The following CFAP20DC variants were observed in gnomAD, a reference collection of about 807,000 sequenced individuals.
CFAP20DC encodes the protein protein CFAP20DC.
In CFAP20DC, 84 loss-of-function variants were observed where a neutral mutation model predicts 101.7. The ratio of observed to expected loss-of-function variants is 0.83; its 90% CI spans 0.69 to 0.99. The LOEUF is 0.99. Ranked by LOEUF, CFAP20DC falls within the 50% of genes least tolerant of loss-of-function variation. The pLI, the probability that CFAP20DC is intolerant of heterozygous loss-of-function variation, is 0.00. For missense variants in CFAP20DC, 1,007 were observed against 970.3 expected, an observed-to-expected ratio of 1.04 and a Z score of -0.50; for synonymous variants, 359 against 351.2, an observed-to-expected ratio of 1.02 and a Z score of -0.25.
At position 58,724,390 on chromosome 3, in the gene CFAP20DC, C is replaced by T. The variant is rs1300989096; in HGVS notation, c.198-6762G>A. ...CTGAGGAGGAAAGCCTCCTAATAGCCCTCATGTTCCCATGCTTAGAGCGAG... is the reference window on the plus strand; with the variant it reads ...CTGAGGAGGAAAGCCTCCTAATAGCTCTCATGTTCCCATGCTTAGAGCGAG... On this transcript the variant is annotated intron_variant, in intron 3 of 3. Coordinates refer to the CFAP20DC transcript ENST00000486145. The surrounding 1 kb of genome is among the most constrained non-coding windows in gnomAD (Gnocchi z 5.6). Among the ~76,000 whole-genome samples the T allele has an allele frequency of 6.6e-6, 1 of 152,114 alleles. No homozygotes were observed.
chr3:58,870,832 G>A (rs988904085), intron 7 of CFAP20DC, among the ~76,000 whole-genome samples: 2 of 132,538 alleles, frequency 1.5e-5, no homozygotes, highest in Non-Finnish European at 3.1e-5. Context: ...AGCTTGCAGT[G>A]AGCCGAGATT....
chr3:58,740,114 T>A (rs769193962), downstream of CFAP20DC, among the ~76,000 whole-genome samples: 40 of 152,180 alleles, frequency 2.6e-4, no homozygotes, highest in Non-Finnish European at 4.9e-4. This position sits in a 1 kb window ranked among gnomAD's most constrained non-coding sequence, Gnocchi z 4.6. Flanking sequence ...ACTGGAGTGG[T>A]TGGGTGCTCT....
chr3:58,934,979 A>G (rs1415706393), intron 5 of CFAP20DC, among the ~76,000 whole-genome samples: 1 of 152,220 alleles, frequency 6.6e-6, no homozygotes, highest in Non-Finnish European at 1.5e-5. Context: ...GAGGAAGTCA[A>G]ATTGTCCCTG....
At chr3:58,792,389 G>A (rs530095081) in intron 15 of CFAP20DC, among the ~76,000 whole-genome samples, 4 of 152,208 alleles carry the variant, frequency 2.6e-5, no homozygotes, top group African/African-American at 9.6e-5. Flanking sequence ...ATTGGGAGAA[G>A]AGAATACTAA....
Position 58,936,301 on chromosome 3 carries a change from T to C in CFAP20DC, c.393+1347A>G, listed in dbSNP as rs895841822. Among the ~76,000 whole-genome samples, 33 of 152,206 alleles carry C rather than the reference T, an allele frequency of 2.2e-4. 1 individual carries two copies. The South Asian group carries it at 5.0e-3, about 23-fold the overall frequency. On this transcript the variant is annotated intron_variant, in intron 5 of 16. Coordinates refer to ENST00000482387, the MANE Select transcript of CFAP20DC (RefSeq NM_001394063.1). ...AGGTGCTGGAGAGGATGTGGAGAAA[T>C]AGGAACAATTTTACACTGTTGCTGG...
At position 58,818,230 on chromosome 3, in the gene CFAP20DC, G is replaced by A. The variant is rs1210820654; in HGVS notation, c.2176-11774C>T. Among the ~76,000 whole-genome samples, 181 of 151,466 alleles carry A rather than the reference G, an allele frequency of 1.2e-3. 2 individuals are homozygous for A. The highest frequency in any genetic ancestry group is 3.6e-3 in the African/African-American group (150 of 41,126). On this transcript the variant is annotated intron_variant, in intron 14 of 16. Transcript: ENST00000482387. ...ATCGAGACTAGAAAGAAACTGCATC[G>A]ACTAATGAGCAAAATCACCAGCTAA...
At chr3:58,813,766 A>G (rs1303569550) in intron 14 of CFAP20DC, among the ~76,000 whole-genome samples, 1 of 151,974 alleles carries the variant, frequency 6.6e-6, no homozygotes, top group African/African-American at 2.4e-5. Flanking sequence ...GTTATGCACC[A>G]TGAATTTAAA....
intron 13 of CFAP20DC, among the ~76,000 whole-genome samples, chr3:58,838,296 A>C (rs1214623209): frequency 2.6e-5 from 4 of 152,174 alleles, no homozygotes; most frequent in Non-Finnish European, 5.9e-5. Context: ...GCTGGTCAGA[A>C]TCTAGATCGT....
In CFAP20DC at chr3:58,913,645, G is replaced by C; in HGVS notation, c.550+63C>G. 1 of 1,534,746 alleles carries C rather than the reference G, an allele frequency of 6.5e-7. No individual in the cohort carries two copies. Among genetic ancestry groups the C allele is most frequent in the Non-Finnish European group, 9.0e-7 (1 of 1,109,316 alleles). ...TACCACACACTCATACTATCCCAAA[G>C]GTATGGCTAATTTTAAAAATACATC... is the stretch of plus-strand genomic sequence containing the variant. On this transcript the variant is annotated intron_variant, in intron 6 of 16. Coordinates refer to ENST00000482387, the MANE Select transcript of CFAP20DC (RefSeq NM_001394063.1). The surrounding 1 kb of genome is among the most constrained non-coding windows in gnomAD (Gnocchi z 4.4).
chr3:58,852,236 A>T (rs2078314563), intron 12 of CFAP20DC, among the ~76,000 whole-genome samples: 1 of 152,074 alleles, frequency 6.6e-6, no homozygotes, highest in Admixed American at 6.6e-5. Context: ...ACTTGTTTAA[A>T]ATTTCCATTG....
intron 5 of CFAP20DC, among the ~76,000 whole-genome samples, chr3:58,930,393 A>G (rs1414880247): frequency 2.6e-5 from 4 of 152,210 alleles, no homozygotes; most frequent in Non-Finnish European, 5.9e-5. Context: ...CTCTAGCCCA[A>G]AAGCTTTAAT....
At chr3:58,750,619 C>T (rs2068501625) in intron 16 of CFAP20DC, among the ~76,000 whole-genome samples, 1 of 152,176 alleles carries the variant, frequency 6.6e-6, no homozygotes, top group Non-Finnish European at 1.5e-5. Flanking sequence ...GAAGCCTGGG[C>T]CCTAATCCCA....
chr3:58,852,075 G>A (rs531055623), intron 12 of CFAP20DC, among the ~76,000 whole-genome samples: 1 of 152,198 alleles, frequency 6.6e-6, no homozygotes, highest in Admixed American at 6.5e-5. Flanking sequence ...GACCTTTGCT[G>A]CTGACTGGTC....
At chr3:58,817,506 G>A (rs1010924376) in intron 14 of CFAP20DC, among the ~76,000 whole-genome samples, 4 of 146,828 alleles carry the variant, frequency 2.7e-5, no homozygotes, top group African/African-American at 1.0e-4. Flanking sequence ...GAAGCCTCAG[G>A]AGCCGATGCG....
chr3:58,778,788 C>G (rs539611211), intron 15 of CFAP20DC, among the ~76,000 whole-genome samples: 1 of 152,194 alleles, frequency 6.6e-6, no homozygotes, highest in Non-Finnish European at 1.5e-5. Context: ...CAGTTCCCAG[C>G]AAAACTTCAC....
At chr3:58,966,491 C>T (rs1452567315) in intron 4 of CFAP20DC, among the ~76,000 whole-genome samples, 40 of 109,720 alleles carry the variant, frequency 3.6e-4, no homozygotes, top group African/African-American at 1.1e-3. Flanking sequence ...TATATATATA[C>T]ACATATGTGT....
chr3:58,727,445 CT>C (rs935876786), intron 3 of CFAP20DC: 4 of 151,566 alleles, frequency 2.6e-5, no homozygotes, highest in Non-Finnish European at 4.4e-5. Flanking sequence ...CTTTTCTTTT[CT>C]TTTTTTTTGA....
Position 59,046,209 on chromosome 3 carries a change from A to C in CFAP20DC, c.205+20T>G. 1.4e-6 allele frequency: 2 copies of C among 1,471,884 alleles called. No homozygotes were observed. Among genetic ancestry groups the C allele is most frequent in the Non-Finnish European group, 1.8e-6 (2 of 1,091,498 alleles). The allele number at this position is 1,471,884 out of a possible 1,614,324, so 91.2% of individuals were successfully genotyped here. ...TTTGAGTACAAAATGTTAAGTTTCA[A>C]TATTAAAAATATTACTTACGGCTTT... On this transcript the variant is annotated intron_variant, in intron 3 of 16. Coordinates refer to ENST00000482387, the MANE Select transcript of CFAP20DC (RefSeq NM_001394063.1).
chr3:58,872,862 C>T (rs2080352574), intron 7 of CFAP20DC, among the ~76,000 whole-genome samples: 2 of 151,698 alleles, frequency 1.3e-5, no homozygotes, highest in Non-Finnish European at 2.9e-5. Context: ...AAGCAGAAGT[C>T]TGGATAGCTA....
Sources: gnomAD v4.1 joint callset for allele counts (sites outside exome capture counted in the v4.1 genomes callset) on GRCh38, gnomAD v4.1.1 for gene constraint, Gnocchi (gnomAD v3.1) non-coding constraint, MANE v1.5 for transcripts, NCBI Gene and HGNC (gene_info 2026-07-23, HGNC 2026-07-21) for gene names.